The following HTR2C variants were observed in gnomAD, a reference collection of about 807,000 sequenced individuals.
The protein encoded by HTR2C is 5-hydroxytryptamine receptor 2C.
A neutral mutation model predicts 21.0 loss-of-function variants in HTR2C; 5 were observed. The observed-to-expected ratio is 0.24, with a 90% CI of 0.12 to 0.50. HTR2C has a LOEUF of 0.50. Ranked by LOEUF, HTR2C falls within the 20% of genes least tolerant of loss-of-function variation. The probability of loss-of-function intolerance (pLI) is 0.98; values close to 1 mark genes in which losing one functional copy is unlikely to be tolerated. For synonymous variants in HTR2C, 150 were observed against 145.3 expected (o/e 1.03, Z -0.23); for missense variants, 271 against 371.2 (o/e 0.73, Z 2.22).
chrX:114,824,584 G>A (rs1556457620), intron 4 of HTR2C, among the ~76,000 whole-genome samples: 1 of 111,570 alleles, frequency 9.0e-6, no homozygotes, highest in Non-Finnish European at 1.9e-5. Flanking sequence ...GGATGCTATC[G>A]AGTTTTCCAC....
chrX:114,798,992 G>A (rs1461910754), intron 4 of HTR2C, among the ~76,000 whole-genome samples: 2 of 109,528 alleles, frequency 1.8e-5, no homozygotes, highest in Non-Finnish European at 3.8e-5. Context: ...GGTGCCCCAG[G>A]TACGAGTGAC....
At chrX:114,716,779 C>A (rs916278662) in intron 2 of HTR2C, among the ~76,000 whole-genome samples, 2 of 111,258 alleles carry the variant, frequency 1.8e-5, no homozygotes, top group Non-Finnish European at 3.8e-5. Flanking sequence ...ATTCATTAGT[C>A]CTAAGGATAA....
Position 114,741,524 on chromosome X carries a change from T to TAAAAAAAAAAAA in HTR2C, c.349+9931_349+9942dup, listed in dbSNP as rs782206973. ...GGCGACAGAGCAAGACGACTCCGTC[T>TAAAAAAAAAAAA]AAAAAAAAAAAAAAAAAAAAAAAAA... On this transcript the variant is annotated intron_variant, in intron 4 of 5. Transcript: ENST00000276198. 2.2e-3 allele frequency among the ~76,000 whole-genome samples: 11 copies of TAAAAAAAAAAAA among 4,900 alleles called. 1 individual carries two copies. The highest frequency in any genetic ancestry group is 2.5e-3 in the African/African-American group (6 of 2,374). The allele number at this position is 4,900 out of a possible 115,157, so 4.3% of individuals were successfully genotyped here.
At chrX:114,781,380 T>A (rs1556440573) in intron 4 of HTR2C, among the ~76,000 whole-genome samples, 1 of 110,895 alleles carries the variant, frequency 9.0e-6, no homozygotes, top group East Asian at 2.9e-4. Context: ...CCTGTAGTCC[T>A]ACCTACTTGA....
chrX:114,654,838 T>G (rs1191986720), intron 2 of HTR2C, among the ~76,000 whole-genome samples: 2 of 110,444 alleles, frequency 1.8e-5, no homozygotes, highest in African/African-American at 6.6e-5. Flanking sequence ...GAAAGCTTCC[T>G]AGAGGAGGTG....
At chrX:114,633,796 T>C (rs1929725463) in intron 2 of HTR2C, among the ~76,000 whole-genome samples, 1 of 109,760 alleles carries the variant, frequency 9.1e-6, no homozygotes, top group African/African-American at 3.3e-5. Context: ...TACACATATA[T>C]GTGTGAATGT....
At chrX:114,880,691 T>A (rs1406866444) in intron 5 of HTR2C, among the ~76,000 whole-genome samples, 5 of 111,520 alleles carry the variant, frequency 4.5e-5, no homozygotes, top group Non-Finnish European at 7.6e-5. Context: ...ATATGTAGTC[T>A]TACGTGATTG....
intron 4 of HTR2C, among the ~76,000 whole-genome samples, chrX:114,820,792 T>C (rs2070625525): frequency 9.0e-6 from 1 of 110,901 alleles, no homozygotes; most frequent in Non-Finnish European, 1.9e-5. Flanking sequence ...GAACTATAAG[T>C]CCAATTCAAC....
At chrX:114,781,467 G>A (rs782152718) in intron 4 of HTR2C, among the ~76,000 whole-genome samples, 2 of 110,265 alleles carry the variant, frequency 1.8e-5, no homozygotes, top group South Asian at 3.9e-4. Context: ...CTGCACTCTA[G>A]CCTGGATGGC....
Position 114,726,893 on chromosome X carries a change from G to A in HTR2C, c.-44G>A, listed in dbSNP as rs190552730. The A allele has an allele frequency of 2.1e-4, 194 of 938,885 alleles. No homozygotes were observed. Among genetic ancestry groups the A allele is most frequent in the Admixed American group, 3.6e-4 (11 of 30,708 alleles). 77.4% of individuals were successfully genotyped at this position (938,885 alleles called of 1,213,427 possible). On this transcript the variant is annotated 5_prime_UTR_variant, in exon 3 of 6. Transcript: ENST00000276198. The stretch of plus-strand genomic sequence containing the variant: ...ATGATGAACCTAGCCTGTTAATTTC[G>A]TCTTCTCAATTTTAAACTTTGGTTG...
At chrX:114,590,887 T>A (rs1429889308) in intron 1 of HTR2C, among the ~76,000 whole-genome samples, 1 of 111,740 alleles carries the variant, frequency 8.9e-6, no homozygotes, top group Admixed American at 9.5e-5. Flanking sequence ...GCAAACTGAG[T>A]TCTGCACCCA....
chrX:114,857,144 C>A (rs1556471257), intron 5 of HTR2C, among the ~76,000 whole-genome samples: 1 of 110,714 alleles, frequency 9.0e-6, no homozygotes, highest in Admixed American at 9.7e-5. Flanking sequence ...TCTCCTATTT[C>A]TCTGTCTGCT....
intron 5 of HTR2C, among the ~76,000 whole-genome samples, chrX:114,868,691 T>C (rs908919614): frequency 8.9e-6 from 1 of 111,844 alleles, no homozygotes; most frequent in Non-Finnish European, 1.9e-5. Flanking sequence ...CAAAATCTTA[T>C]GATACATGTT....
At chrX:114,836,485 C>T (rs2070785590) in intron 4 of HTR2C, among the ~76,000 whole-genome samples, 1 of 112,199 alleles carries the variant, frequency 8.9e-6, no homozygotes, top group African/African-American at 3.2e-5. Flanking sequence ...GTGTCTGTCA[C>T]CCCTTTCTTT....
intron 2 of HTR2C, among the ~76,000 whole-genome samples, chrX:114,670,559 T>A (rs1931342542): frequency 8.9e-6 from 1 of 112,288 alleles, no homozygotes; most frequent in African/African-American, 3.2e-5. Context: ...TGCATTCTTA[T>A]CCTGAAATAA....
At chrX:114,878,163 ATT>A (rs2071153741) in intron 5 of HTR2C, among the ~76,000 whole-genome samples, 1 of 110,622 alleles carries the variant, frequency 9.0e-6, no homozygotes, top group Non-Finnish European at 1.9e-5. Context: ...TATATTTACC[ATT>A]GTTATAATCT....
At chrX:114,654,092 A>G (rs1361737176) in intron 2 of HTR2C, among the ~76,000 whole-genome samples, 12 of 110,073 alleles carry the variant, frequency 1.1e-4, no homozygotes, top group African/African-American at 3.9e-4. Context: ...AATGGATTAG[A>G]AAGTCTATTG....
rs1199911267 is a variant in HTR2C, at chrX:114,772,491, G to GA, written c.349+40884_349+40885insA. 6.4e-5 allele frequency among the ~76,000 whole-genome samples: 7 copies of GA among 108,736 alleles called. No homozygotes were observed. In the Admixed American group the frequency reaches 7.0e-4, roughly 11 times the overall value. The allele number at this position is 108,736 out of a possible 115,157, so 94.4% of individuals were successfully genotyped here. On this transcript the variant is annotated intron_variant, in intron 4 of 5. Coordinates refer to ENST00000276198, the MANE Select transcript of HTR2C (RefSeq NM_000868.4). Reference sequence around the variant, plus strand: ...TGGTGGCGGGGCGGGGCGTGGTGGGGGGGCCTTGATTCTGACCTTTAGGAG... The same window carrying GA: ...TGGTGGCGGGGCGGGGCGTGGTGGGGAGGGCCTTGATTCTGACCTTTAGGAG...
intron 4 of HTR2C, among the ~76,000 whole-genome samples, chrX:114,737,130 A>T (rs782472736): frequency 6.0e-4 from 67 of 110,908 alleles, no homozygotes; most frequent in African/African-American, 2.1e-3. Context: ...AATAATAAAG[A>T]TAAGAGCAGT....
Sources: allele counts gnomAD v4.1 joint callset (sites outside exome capture counted in the v4.1 genomes callset), GRCh38; gene constraint gnomAD v4.1.1; transcripts MANE v1.5; gene names NCBI Gene and HGNC (gene_info 2026-07-23, HGNC 2026-07-21).